Variants in CAAP1 observed in about 807,000 individuals in gnomAD.
CAAP1 encodes the protein caspase activity and apoptosis inhibitor 1.
In CAAP1, 20 loss-of-function variants were observed where a neutral mutation model predicts 34.0. The observed-to-expected ratio is 0.59, with a 90% CI of 0.41 to 0.86. The LOEUF is 0.86. Among genes scored for constraint, CAAP1 ranks in the 40% least tolerant of loss-of-function variants. CAAP1 has a pLI of 0.00. For synonymous variants in CAAP1, 213 were observed against 166.7 expected, an observed-to-expected ratio of 1.28 and a Z score of -2.14; for missense variants, 538 against 450.5, an observed-to-expected ratio of 1.19 and a Z score of -1.76.
Position 26,842,247 on chromosome 9 carries a change from T to G in CAAP1, c.*54A>C. The G allele has an allele frequency of 7.3e-7, 1 of 1,373,940 alleles. No individual in the cohort carries two copies. The highest frequency in any genetic ancestry group is 9.9e-7 in the Non-Finnish European group (1 of 1,013,198). The allele number at this position is 1,373,940 out of a possible 1,614,324, so 85.1% of individuals were successfully genotyped here. A position where few individuals can be genotyped will look rare whatever the true frequency, so the allele number is the denominator to read the frequency against. ...CCCAAATAAATTTTAGATACAAAAT[T>G]AAATGATGTGGCTTTGTTCAAACAT... On this transcript the variant is annotated 3_prime_UTR_variant, in exon 6 of 6. Coordinates refer to ENST00000333916, the MANE Select transcript of CAAP1 (RefSeq NM_024828.4).
At chr9:26,843,430 A>G (rs1035223899) in intron 5 of CAAP1, among the ~76,000 whole-genome samples, 1 of 152,118 alleles carries the variant, frequency 6.6e-6, no homozygotes, top group Non-Finnish European at 1.5e-5. Flanking sequence ...TAATTAATTT[A>G]TCTTTTAAAT....
At chr9:26,866,961 C>A (rs956685151) in intron 4 of CAAP1, among the ~76,000 whole-genome samples, 1 of 152,060 alleles carries the variant, frequency 6.6e-6, no homozygotes, top group African/African-American at 2.4e-5. Context: ...GGAACTGAGC[C>A]GCACAGTAGG....
At chr9:26,869,404 T>A (rs1823219388) in intron 4 of CAAP1, among the ~76,000 whole-genome samples, 1 of 152,178 alleles carries the variant, frequency 6.6e-6, no homozygotes, top group African/African-American at 2.4e-5. Flanking sequence ...GGCCATGGCC[T>A]TACCTTTAAT....
At position 26,841,765 on chromosome 9, in the gene CAAP1, GTT is replaced by G. The variant is rs1822485388; in HGVS notation, c.*534_*535del. Reference sequence around the variant, plus strand: ...ATTAATTCCTTCCTTTAATAAAAAAGTTTTTCTCAGTCATTTCAGATCTCTGT... The same window carrying G: ...ATTAATTCCTTCCTTTAATAAAAAAGTTTCTCAGTCATTTCAGATCTCTGT... On this transcript the variant is annotated 3_prime_UTR_variant, in exon 6 of 6. Transcript: ENST00000333916. 6.6e-6 allele frequency: 1 copy of G among 152,474 alleles called. No homozygotes were observed. Among genetic ancestry groups the G allele is most frequent in the African/African-American group, 2.4e-5 (1 of 41,428 alleles). 9.4% of individuals were successfully genotyped at this position (152,474 alleles called of 1,614,324 possible).
chr9:26,892,178 AT>A, intron 1 of CAAP1: 1 of 1,223,212 alleles, frequency 8.2e-7, no homozygotes. Context: ...AGTTTAAAAA[AT>A]AAATTAAAAA....
intron 5 of CAAP1, among the ~76,000 whole-genome samples, chr9:26,848,607 T>A (rs1822672613): frequency 6.6e-6 from 1 of 152,214 alleles, no homozygotes; most frequent in African/African-American, 2.4e-5. Flanking sequence ...ATGCCACAAG[T>A]GTTTACTTTT....
intron 5 of CAAP1, among the ~76,000 whole-genome samples, chr9:26,858,679 C>A (rs568287172): frequency 5.7e-4 from 86 of 152,046 alleles, no homozygotes; most frequent in Middle Eastern, 3.4e-3. Flanking sequence ...AAAAATTAGC[C>A]GGGCGTGGTG....
intron 4 of CAAP1, among the ~76,000 whole-genome samples, chr9:26,865,605 T>A (rs769175983): frequency 1.6e-4 from 25 of 152,154 alleles, no homozygotes; most frequent in Non-Finnish European, 3.1e-4. Context: ...TACTCATCAG[T>A]ATAAAGTAGA....
chr9:26,850,774 C>CT lies in CAAP1; in HGVS notation c.740-8128dup, dbSNP rs903394871. On this transcript the variant is annotated intron_variant, in intron 5 of 5. Coordinates refer to ENST00000333916, the MANE Select transcript of CAAP1 (RefSeq NM_024828.4). ...CAATACTGTGTTATAGAGAACTTGGCTTTTTTTTTCTTATGTGTAGTGTAT... is the reference window on the plus strand; with the variant it reads ...CAATACTGTGTTATAGAGAACTTGGCTTTTTTTTTTCTTATGTGTAGTGTAT... Among the ~76,000 whole-genome samples, 9 of 151,310 alleles carry CT rather than the reference C, an allele frequency of 5.9e-5. No individual in the cohort carries two copies. In the South Asian group the frequency reaches 1.7e-3, roughly 28 times the overall value.
At chr9:26,879,841 C>T (rs376850033) in intron 4 of CAAP1, among the ~76,000 whole-genome samples, 5 of 152,196 alleles carry the variant, frequency 3.3e-5, no homozygotes, top group Admixed American at 2.0e-4. Context: ...ACTGCACTGT[C>T]GGCTTCCCTA....
intron 5 of CAAP1, among the ~76,000 whole-genome samples, chr9:26,858,463 C>G (rs1287566673): frequency 6.6e-6 from 1 of 152,114 alleles, no homozygotes; most frequent in East Asian, 1.9e-4. Flanking sequence ...TGCAATAAAA[C>G]ATTTTATATT....
At chr9:26,848,451 G>C (rs890477617) in intron 5 of CAAP1, among the ~76,000 whole-genome samples, 5 of 152,154 alleles carry the variant, frequency 3.3e-5, no homozygotes, top group Admixed American at 6.5e-5. Flanking sequence ...GGGAGGCGGA[G>C]CTTGCAGTGA....
intron 5 of CAAP1, 129 bp from the exon 6 acceptor site, chr9:26,842,776 C>T: frequency 1.5e-6 from 1 of 645,852 alleles, no homozygotes; most frequent in Non-Finnish European, 2.6e-6. Context: ...ATTCCATAAT[C>T]CCCATGCCAC....
intron 5 of CAAP1, among the ~76,000 whole-genome samples, chr9:26,857,006 T>C (rs1822885251): frequency 6.6e-6 from 1 of 152,258 alleles, no homozygotes; most frequent in South Asian, 2.1e-4. Flanking sequence ...TATTTTACTA[T>C]TGCTGAATGT....
At chr9:26,856,570 T>C (rs1052909360) in intron 5 of CAAP1, among the ~76,000 whole-genome samples, 13 of 152,204 alleles carry the variant, frequency 8.5e-5, no homozygotes, top group South Asian at 2.1e-4. Context: ...CAGCCAACCA[T>C]TGCTTGAATC....
chr9:26,848,737 T>G (rs1822675750), intron 5 of CAAP1, among the ~76,000 whole-genome samples: 2 of 152,204 alleles, frequency 1.3e-5, no homozygotes. Context: ...TTATTTATAT[T>G]AGGAGTATAT....
intron 4 of CAAP1, among the ~76,000 whole-genome samples, chr9:26,873,050 A>C (rs1481712653): frequency 6.6e-6 from 1 of 152,114 alleles, no homozygotes; most frequent in Non-Finnish European, 1.5e-5. Flanking sequence ...CTCTTGAGCC[A>C]AGGAGTTTGA....
At chr9:26,877,776 T>G (rs1205468394) in intron 4 of CAAP1, among the ~76,000 whole-genome samples, 1 of 152,148 alleles carries the variant, frequency 6.6e-6, no homozygotes, top group African/African-American at 2.4e-5. Context: ...ACTTTCAATT[T>G]GAAGACTTAA....
At chr9:26,891,016 C>T (rs192726136) in intron 1 of CAAP1, among the ~76,000 whole-genome samples, 2 of 152,254 alleles carry the variant, frequency 1.3e-5, no homozygotes, top group East Asian at 3.9e-4. Flanking sequence ...ACAACAAACT[C>T]AACAAACCAA....
Sources: gnomAD v4.1 joint callset for allele counts (sites outside exome capture counted in the v4.1 genomes callset) on GRCh38, gnomAD v4.1.1 for gene constraint, MANE v1.5 for transcripts, NCBI Gene and HGNC (gene_info 2026-07-23, HGNC 2026-07-21) for gene names.